The following ANO6 variants were observed in gnomAD, a reference collection of about 807,000 sequenced individuals.
The protein encoded by ANO6 is anoctamin-6.
A neutral mutation model predicts 117.5 loss-of-function variants in ANO6; 106 were observed. The observed-to-expected ratio is 0.90, with a 90% CI of 0.77 to 1.06. ANO6 has a LOEUF of 1.06. Ranked by LOEUF, ANO6 falls within the 50% of genes least tolerant of loss-of-function variation. The pLI is 0.00. For missense variants in ANO6, 955 were observed against 1,121.1 expected (o/e 0.85, Z 2.12); for synonymous variants, 367 against 385.1 (o/e 0.95, Z 0.55).
chr12:45,291,603 C>T (rs528112282), intron 1 of ANO6, among the ~76,000 whole-genome samples: 6 of 152,164 alleles, frequency 3.9e-5, no homozygotes, highest in African/African-American at 1.2e-4. Context: ...CTCCTGAACA[C>T]AGCAAAAAGA....
At chr12:45,439,583 C>T (rs1035311154) in intron 19 of ANO6, 10 of 1,166,900 alleles carry the variant, frequency 8.6e-6, no homozygotes, top group Non-Finnish European at 1.1e-5. Context: ...AATACTAACA[C>T]TCATTTTCAT....
Position 45,401,925 on chromosome 12 carries a change from C to T in ANO6, c.1517C>T (p.Thr506Ile). ...DPIQKYLTPQ[T>I]ATSITASIIS... ...ATCCAGAAATACCTGACTCCACAGA[C>T]AGCCACGTCCATCACGGCCTCCATC... Residue 506 changes from threonine (T) to isoleucine (I), a missense_variant, in exon 13 of 20, where the codon ACA (threonine) becomes ATA (isoleucine). Physicochemically the swap from Thr to Ile is moderately conservative, Grantham distance 89 (BLOSUM62 -1). Transcript: ENST00000320560. 1.2e-6 allele frequency: 2 copies of T among 1,614,118 alleles called. No individual in the cohort carries two copies. Among genetic ancestry groups the T allele is most frequent in the Non-Finnish European group, 1.7e-6 (2 of 1,179,990 alleles).
At chr12:45,311,345 C>A (rs1939844464) in intron 2 of ANO6, among the ~76,000 whole-genome samples, 1 of 151,998 alleles carries the variant, frequency 6.6e-6, no homozygotes, top group South Asian at 2.1e-4. Context: ...GTTAACGAAG[C>A]TCCGTGTGAA....
rs534176316 is a variant in ANO6 at position 45,230,635 on chromosome 12, T to C, written c.70+14244T>C. Among the ~76,000 whole-genome samples the C allele has an allele frequency of 3.3e-5, 5 of 152,048 alleles. No individual in the cohort carries two copies. In the East Asian group the frequency reaches 9.6e-4, roughly 29 times the overall value. ...TCACTTTAAATATATAATTTTAGTA[T>C]GAAAGGTAAGGTTCATAATAGAATC... On this transcript the variant is annotated intron_variant, in intron 1 of 19. Transcript: ENST00000320560.
intron 1 of ANO6, among the ~76,000 whole-genome samples, chr12:45,231,089 A>G (rs1009120539): frequency 6.6e-6 from 1 of 152,046 alleles, no homozygotes; most frequent in Admixed American, 6.5e-5. Flanking sequence ...CCTGGGCCAC[A>G]AAACAAGATT....
intron 9 of ANO6, among the ~76,000 whole-genome samples, chr12:45,370,684 A>T (rs1200500584): frequency 6.6e-6 from 1 of 152,254 alleles, no homozygotes; most frequent in Non-Finnish European, 1.5e-5. Context: ...GCATAACATT[A>T]AAACTTAATT....
At chr12:45,307,940 AG>A (rs1939722038) in intron 2 of ANO6, among the ~76,000 whole-genome samples, 1 of 152,036 alleles carries the variant, frequency 6.6e-6, no homozygotes, top group South Asian at 2.1e-4. Flanking sequence ...GTTGAGTGGT[AG>A]AATCCAAACC....
At chr12:45,421,998 A>C (rs980395161) in intron 18 of ANO6, among the ~76,000 whole-genome samples, 1 of 152,208 alleles carries the variant, frequency 6.6e-6, no homozygotes, top group African/African-American at 2.4e-5. Flanking sequence ...CAGATTCTCA[A>C]TGATGCAACC....
At chr12:45,339,470 C>G (rs1251136077) in intron 3 of ANO6, among the ~76,000 whole-genome samples, 1 of 152,066 alleles carries the variant, frequency 6.6e-6, no homozygotes, top group Non-Finnish European at 1.5e-5. Context: ...CTGTGTTACT[C>G]AGAATGAGCA....
chr12:45,239,035 T>C (rs1947694552), intron 1 of ANO6, among the ~76,000 whole-genome samples: 1 of 152,250 alleles, frequency 6.6e-6, no homozygotes, highest in African/African-American at 2.4e-5. Flanking sequence ...GGCTTTGGTA[T>C]CAGGATGATG....
intron 3 of ANO6, among the ~76,000 whole-genome samples, chr12:45,333,146 T>A (rs1052030279): frequency 6.6e-6 from 1 of 152,048 alleles, no homozygotes; most frequent in Non-Finnish European, 1.5e-5. Flanking sequence ...ATGGTTAAGA[T>A]TAAATAAAAT....
intron 2 of ANO6, among the ~76,000 whole-genome samples, chr12:45,305,748 A>G (rs1373552568): frequency 6.6e-6 from 1 of 152,114 alleles, no homozygotes; most frequent in South Asian, 2.1e-4. Flanking sequence ...CCACATGGTG[A>G]TGGAGCAGAT....
intron 2 of ANO6, among the ~76,000 whole-genome samples, chr12:45,326,079 CATT>C (rs1365615816): frequency 6.6e-6 from 1 of 152,152 alleles, no homozygotes. Flanking sequence ...ATTTAATACT[CATT>C]ATGCTCAAGG....
At chr12:45,230,712 G>A (rs180780897) in intron 1 of ANO6, among the ~76,000 whole-genome samples, 12 of 152,186 alleles carry the variant, frequency 7.9e-5, no homozygotes, top group Admixed American at 5.2e-4. Context: ...TGGAATAAGA[G>A]CATTTCTTAA....
chr12:45,341,129 A>G (rs1019282401), intron 3 of ANO6, among the ~76,000 whole-genome samples: 1 of 152,244 alleles, frequency 6.6e-6, no homozygotes, highest in Non-Finnish European at 1.5e-5. Context: ...GGAGGGCATT[A>G]TAAACCAACT....
intron 1 of ANO6, among the ~76,000 whole-genome samples, chr12:45,300,588 A>G (rs1391470302): frequency 3.3e-5 from 5 of 152,168 alleles, no homozygotes; most frequent in Admixed American, 6.5e-5. Context: ...TGAGGACCCT[A>G]TATTGCTAGT....
intron 19 of ANO6, chr12:45,439,530 G>A: frequency 1.6e-6 from 1 of 638,334 alleles, no homozygotes; most frequent in South Asian, 4.7e-5. Context: ...GTCTGGACAT[G>A]AGGGCATTTG....
chr12:45,425,056 G>T (rs558541536), intron 19 of ANO6, among the ~76,000 whole-genome samples: 1 of 152,224 alleles, frequency 6.6e-6, no homozygotes, highest in East Asian at 1.9e-4. Flanking sequence ...TAAATTAACT[G>T]TATGTGAAAA....
chr12:45,324,137 A>T (rs1940382060), intron 2 of ANO6, among the ~76,000 whole-genome samples: 1 of 152,134 alleles, frequency 6.6e-6, no homozygotes, highest in East Asian at 1.9e-4. Context: ...GAGTTTCTCC[A>T]TGTTGAGGCT....
Sources: allele counts gnomAD v4.1 joint callset (sites outside exome capture counted in the v4.1 genomes callset), GRCh38; gene constraint gnomAD v4.1.1; transcripts MANE v1.5; gene names NCBI Gene and HGNC (gene_info 2026-07-23, HGNC 2026-07-21).